STK17B: variants seen among roughly 807,000 people sequenced by gnomAD.
The protein encoded by STK17B is serine/threonine kinase 17b.
In STK17B, 21 loss-of-function variants were observed where a neutral mutation model predicts 42.0. The observed-to-expected ratio is 0.50, with a 90% CI of 0.35 to 0.72. STK17B has a LOEUF of 0.72. Ranked by LOEUF, STK17B falls within the 30% of genes least tolerant of loss-of-function variation. STK17B has a pLI of 0.00. For synonymous variants in STK17B, 143 were observed against 148.4 expected, an observed-to-expected ratio of 0.96 and a Z score of 0.26; for missense variants, 349 against 446.0, an observed-to-expected ratio of 0.78 and a Z score of 1.96.
At chr2:196,146,555 A>C (rs1286177238) in intron 3 of STK17B, among the ~76,000 whole-genome samples, 2 of 152,116 alleles carry the variant, frequency 1.3e-5, no homozygotes, top group African/African-American at 4.8e-5. Context: ...AATTCTGGGT[A>C]CTAATACTTG....
Position 196,141,294 on chromosome 2 carries a change from G to A in STK17B, c.611C>T (p.Pro204Leu), listed in dbSNP as rs776077952. The change falls in exon 6 of 8, where the codon CCA (proline) becomes CTA (leucine). Residue 204 changes from proline (P) to leucine (L), a missense_variant. Around this residue, in one of 3 missense-constraint regions of STK17B, gnomAD observed 256 missense variants for 347.7 expected, o/e 0.74. Transcript: ENST00000263955. The part of the protein sequence containing the change: ...EIMGTPEYLA[P>L]EILNYDPITT... ...AATGGGATCATAGTTCAGGATTTCT[G>A]GAGCTGAAAGAAAAGATAAAACTTA... 6.2e-7 allele frequency: 1 copy of A among 1,604,560 alleles called. No individual in the cohort carries two copies. The highest frequency in any genetic ancestry group is 1.1e-5 in the South Asian group (1 of 89,990).
At chr2:196,150,498 C>T (rs1043080979) in intron 3 of STK17B, among the ~76,000 whole-genome samples, 1 of 152,170 alleles carries the variant, frequency 6.6e-6, no homozygotes, top group Non-Finnish European at 1.5e-5. Flanking sequence ...TTATAGGGAA[C>T]AGCAAGTAGA....
At position 196,156,503 on chromosome 2, in the gene STK17B, G is replaced by A. The variant is rs1559413717; in HGVS notation, c.271C>T (p.Pro91Ser). Residue 91 changes from proline (P) to serine (S), a missense_variant, in exon 3 of 8, where the codon CCC (proline) becomes TCC (serine). By Grantham distance (74) the Pro-to-Ser change is moderately conservative. Coordinates refer to ENST00000263955, the MANE Select transcript of STK17B (RefSeq NM_004226.4). ...IAVLELAKSC[P>S]RVINLHEVYE... is the part of the protein sequence containing the mutation. ...ACCTCATGAAGATTAATAACACGGG[G>A]ACAAGACTTTGCCAATTCAAGCACA... 1.2e-6 allele frequency: 2 copies of A among 1,613,884 alleles called. No individual in the cohort carries two copies. The highest frequency in any genetic ancestry group is 1.7e-6 in the Non-Finnish European group (2 of 1,179,992).
rs1251051590 is a variant in STK17B, at chr2:196,133,820, T to C, written c.*3627A>G. 1 of 152,238 alleles carries C rather than the reference T, an allele frequency of 6.6e-6. No homozygotes were observed. The highest frequency in any genetic ancestry group is 1.5e-5 in the Non-Finnish European group (1 of 68,042). 9.4% of individuals were successfully genotyped at this position (152,238 alleles called of 1,614,324 possible). The stretch of plus-strand genomic sequence containing the variant: ...TGTCTATATGCCTTAAGCAAGATTA[T>C]TATTTAATAAAATATGGCAGGAAGT... On this transcript the variant is annotated 3_prime_UTR_variant, in exon 8 of 8. Coordinates refer to ENST00000263955, the MANE Select transcript of STK17B (RefSeq NM_004226.4).
chr2:196,147,860 T>C (rs761692011), intron 3 of STK17B, among the ~76,000 whole-genome samples: 9 of 151,684 alleles, frequency 5.9e-5, no homozygotes, highest in Non-Finnish European at 1.3e-4. Context: ...GCCTCCCGAG[T>C]AGCTGGGACT....
intron 6 of STK17B, among the ~76,000 whole-genome samples, chr2:196,140,083 CA>C (rs1362498876): frequency 7.9e-5 from 12 of 152,324 alleles, no homozygotes; most frequent in African/African-American, 2.6e-4. Context: ...CCGTGGAGTA[CA>C]CAAAGCTGCT....
chr2:196,157,948 A>G (rs1378898848), intron 2 of STK17B, among the ~76,000 whole-genome samples: 3 of 152,220 alleles, frequency 2.0e-5, no homozygotes, highest in African/African-American at 7.2e-5. Flanking sequence ...AGTTTTACAT[A>G]TAATTCCAGA....
chr2:196,137,868 A>G (rs2105671589), intron 7 of STK17B, 139 bp from the exon 8 acceptor site: 1 of 935,696 alleles, frequency 1.1e-6, no homozygotes, highest in African/African-American at 1.7e-5. Context: ...AACAGTACAG[A>G]AGAGAATAAT....
At chr2:196,143,077 A>G in intron 5 of STK17B, among the ~76,000 whole-genome samples, 1 of 152,184 alleles carries the variant, frequency 6.6e-6, no homozygotes, top group East Asian at 1.9e-4. Context: ...CTAAAGCAGC[A>G]GCAATAAACA....
At chr2:196,144,772 C>T (rs928987839) in intron 4 of STK17B, among the ~76,000 whole-genome samples, 1 of 152,106 alleles carries the variant, frequency 6.6e-6, no homozygotes, top group Non-Finnish European at 1.5e-5. Context: ...AAGTCCCCTG[C>T]TGCTGTCATA....
chr2:196,149,657 A>G lies in STK17B; in HGVS notation c.336-3602T>C, dbSNP rs113706499. On this transcript the variant is annotated intron_variant, in intron 3 of 7. Transcript: ENST00000263955. ...TGCACACACTATATTCTTAAGTGAA[A>G]AAGGAGAGTTACAATAGAATATGCC... Among the ~76,000 whole-genome samples, 509 of 152,356 alleles carry G rather than the reference A, an allele frequency of 3.3e-3. 6 individuals carry two copies. Among genetic ancestry groups the G allele is most frequent in the African/African-American group, 0.012 (497 of 41,574 alleles).
At chr2:196,170,321 C>G (rs1699923656) in intron 1 of STK17B, among the ~76,000 whole-genome samples, 1 of 152,202 alleles carries the variant, frequency 6.6e-6, no homozygotes, top group African/African-American at 2.4e-5. Flanking sequence ...CACACCACGT[C>G]AAACGTCCCT....
chr2:196,160,113 T>C (rs1235457190), intron 2 of STK17B, among the ~76,000 whole-genome samples: 1 of 152,212 alleles, frequency 6.6e-6, no homozygotes, highest in Non-Finnish European at 1.5e-5. Context: ...TAAGAAAAGT[T>C]AAAGCATTTA....
chr2:196,168,556 T>A (rs1699897828), intron 1 of STK17B, among the ~76,000 whole-genome samples: 1 of 152,194 alleles, frequency 6.6e-6, no homozygotes, highest in South Asian at 2.1e-4. Flanking sequence ...TTAAAATTTT[T>A]CAATGCTTAC....
intron 1 of STK17B, among the ~76,000 whole-genome samples, chr2:196,165,229 C>CT (rs1231883331): frequency 2.0e-5 from 3 of 152,132 alleles, no homozygotes; most frequent in Non-Finnish European, 2.9e-5. Context: ...TGTGAACACA[C>CT]TAGGAGAAGG....
At chr2:196,141,159 A>G (rs1039179262) in intron 6 of STK17B, 90 bp downstream of exon 6, 2 of 884,644 alleles carry the variant, frequency 2.3e-6, no homozygotes, top group Non-Finnish European at 3.5e-6. Context: ...AGAAAGCCTT[A>G]TTATTTATTA....
Position 196,156,630 on chromosome 2 carries a change from T to C in STK17B, c.144A>G (p.Arg48=). Residue 48 remains arginine (R), a synonymous_variant, in exon 3 of 8, where the codon AGA becomes AGG. Transcript: ENST00000263955. ...GGCCAGTAGATTTTGATATACATTG[T>C]CTAACCACAGCAAATTTTCCTCTGG... The part of the protein sequence containing the change: ...ELGRGKFAVV[R]QCISKSTGQE... The C allele has an allele frequency of 6.2e-7, 1 of 1,612,072 alleles. No homozygotes were observed. The highest frequency in any genetic ancestry group is 8.5e-7 in the Non-Finnish European group (1 of 1,179,262).
At chr2:196,148,296 G>A (rs1161549470) in intron 3 of STK17B, among the ~76,000 whole-genome samples, 2 of 152,166 alleles carry the variant, frequency 1.3e-5, no homozygotes, top group Non-Finnish European at 2.9e-5. Flanking sequence ...GGCAGAGTGG[G>A]AATCCAGGCA....
At chr2:196,144,486 C>CAA (rs869118381) in intron 4 of STK17B, among the ~76,000 whole-genome samples, 1 of 55,934 alleles carries the variant, frequency 1.8e-5, no homozygotes, top group Admixed American at 2.6e-4. Flanking sequence ...GACTCTGTCT[C>CAA]AAAAAAAAAA....
Sources: gnomAD v4.1 joint callset for allele counts (sites outside exome capture counted in the v4.1 genomes callset) on GRCh38, gnomAD v4.1.1 for gene constraint, gnomAD v4.1.1 regional missense constraint, MANE v1.5 for transcripts, NCBI Gene and HGNC (gene_info 2026-07-23, HGNC 2026-07-21) for gene names.